The following CYTH3 variants were observed in gnomAD, a reference collection of about 807,000 sequenced individuals.
CYTH3 encodes cytohesin-3.
Under a neutral mutation model 55.1 loss-of-function variants are expected in CYTH3, and 23 were observed. The ratio of observed to expected loss-of-function variants is 0.42; its 90% CI spans 0.30 to 0.59. The LOEUF (loss-of-function observed/expected upper bound fraction) is 0.59, where lower values mean the gene tolerates loss of function less well. CYTH3 is among the 20% of genes least tolerant of loss of function. The pLI, the probability that CYTH3 is intolerant of heterozygous loss-of-function variation, is 0.20. For missense variants in CYTH3, 413 were observed against 524.8 expected (o/e 0.79, Z 2.08); for synonymous variants, 249 against 194.9 (o/e 1.28, Z -2.31).
intron 1 of CYTH3, among the ~76,000 whole-genome samples, chr7:6,270,286 GTGTC>G (rs1362572558): frequency 6.6e-6 from 1 of 152,132 alleles, no homozygotes; most frequent in Non-Finnish European, 1.5e-5. Flanking sequence ...ATATTTTTAA[GTGTC>G]TGTCACAAAG....
At chr7:6,215,757 A>G (rs1358009354) in intron 1 of CYTH3, among the ~76,000 whole-genome samples, 2 of 152,228 alleles carry the variant, frequency 1.3e-5, no homozygotes, top group Non-Finnish European at 2.9e-5. Flanking sequence ...GCCAAGACAC[A>G]TGATACACAT....
At chr7:6,206,983 A>G (rs773052819) in intron 1 of CYTH3, among the ~76,000 whole-genome samples, 1 of 151,856 alleles carries the variant, frequency 6.6e-6, no homozygotes, top group Non-Finnish European at 1.5e-5. Flanking sequence ...TAAGTAAACC[A>G]TTATTTTTAT....
At chr7:6,198,690 G>C (rs190875191) in intron 1 of CYTH3, among the ~76,000 whole-genome samples, 1 of 151,302 alleles carries the variant, frequency 6.6e-6, no homozygotes, top group Non-Finnish European at 1.5e-5. Flanking sequence ...AATGGATAAA[G>C]TAATATATGG....
At chr7:6,205,937 G>C (rs922950673) in intron 1 of CYTH3, among the ~76,000 whole-genome samples, 15 of 85,478 alleles carry the variant, frequency 1.8e-4, no homozygotes, top group African/African-American at 5.7e-4. Context: ...GTTGAAAAAT[G>C]ATAAACTAAG....
At chr7:6,177,210 G>C (rs767933883) in intron 5 of CYTH3, among the ~76,000 whole-genome samples, 2 of 152,158 alleles carry the variant, frequency 1.3e-5, no homozygotes, top group Admixed American at 6.6e-5. Flanking sequence ...TTCCACTTTC[G>C]ATCAAATATT....
chr7:6,177,736 G>T, intron 5 of CYTH3, 87 bp downstream of exon 5: 1 of 1,043,936 alleles, frequency 9.6e-7, no homozygotes, highest in Non-Finnish European at 1.5e-6. Context: ...TTTAGGCTGT[G>T]ATGGCCCCGA....
At chr7:6,181,862 T>C (rs1783511742) in intron 4 of CYTH3, among the ~76,000 whole-genome samples, 2 of 152,196 alleles carry the variant, frequency 1.3e-5, no homozygotes, top group South Asian at 4.1e-4. Context: ...CTTCTCCATA[T>C]GCTCAAGTGA....
intron 1 of CYTH3, among the ~76,000 whole-genome samples, chr7:6,259,950 C>T (rs1013881739): frequency 1.4e-5 from 2 of 145,566 alleles, no homozygotes; most frequent in African/African-American, 2.6e-5. Context: ...CCTGCCTCAG[C>T]CTCCTAAGTA....
chr7:6,197,288 A>T (rs1268340869), intron 1 of CYTH3, among the ~76,000 whole-genome samples: 1 of 152,232 alleles, frequency 6.6e-6, no homozygotes, highest in Non-Finnish European at 1.5e-5. Context: ...GGACAAAGAC[A>T]TGGTGGCTGT....
intron 1 of CYTH3, among the ~76,000 whole-genome samples, chr7:6,228,661 C>G (rs1275330908): frequency 1.3e-5 from 2 of 152,218 alleles, no homozygotes; most frequent in Admixed American, 1.3e-4. Flanking sequence ...TTCTGGAAAT[C>G]CGGGCTGCCT....
chr7:6,187,926 C>A (rs1209641195), intron 2 of CYTH3, among the ~76,000 whole-genome samples: 1 of 152,178 alleles, frequency 6.6e-6, no homozygotes, highest in Non-Finnish European at 1.5e-5. Flanking sequence ...ATTCTTTGCT[C>A]ACTTTTCATC....
intron 1 of CYTH3, among the ~76,000 whole-genome samples, chr7:6,232,506 T>A (rs1779412014): frequency 6.6e-6 from 1 of 152,206 alleles, no homozygotes; most frequent in Non-Finnish European, 1.5e-5. Context: ...CAGGTCCTGG[T>A]TCTCCCTGCA....
At chr7:6,186,922 C>T (rs1783669398) in intron 4 of CYTH3, 128 bp downstream of exon 4, 2 of 912,926 alleles carry the variant, frequency 2.2e-6, no homozygotes, top group Non-Finnish European at 3.5e-6. Context: ...TAAAAATGTG[C>T]CTTCAACTCC....
chr7:6,180,364 G>C (rs1216433329), intron 4 of CYTH3, among the ~76,000 whole-genome samples: 1 of 152,212 alleles, frequency 6.6e-6, no homozygotes, highest in Non-Finnish European at 1.5e-5. Flanking sequence ...ACAAGCAGAG[G>C]AGGAGGACAC....
chr7:6,171,685 T>A lies in CYTH3; in HGVS notation c.450-371A>T, dbSNP rs1203406476. The A allele has an allele frequency of 3.9e-6, 1 of 258,512 alleles. No individual in the cohort carries two copies. The highest frequency in any genetic ancestry group is 2.2e-5 in the African/African-American group (1 of 45,626). 16.0% of individuals were successfully genotyped at this position (258,512 alleles called of 1,614,324 possible). On this transcript the variant is annotated intron_variant, in intron 6 of 12. Coordinates refer to ENST00000350796, the MANE Select transcript of CYTH3 (RefSeq NM_004227.4). The surrounding 1 kb of genome is among the most constrained non-coding windows in gnomAD (Gnocchi z 6.7). Reference sequence around the variant, plus strand: ...CCTGTCCCGAGCTGCCACCAGCCGGTCCTCCTTTCAGAACTCCCACACATA... The same window carrying A: ...CCTGTCCCGAGCTGCCACCAGCCGGACCTCCTTTCAGAACTCCCACACATA...
intron 1 of CYTH3, among the ~76,000 whole-genome samples, chr7:6,252,903 T>A (rs1260590076): frequency 1.3e-5 from 2 of 152,178 alleles, no homozygotes; most frequent in Admixed American, 6.5e-5. Flanking sequence ...GATAACTACC[T>A]CCGGATGGGT....
At chr7:6,191,579 G>C (rs145057921) in intron 1 of CYTH3, among the ~76,000 whole-genome samples, 1 of 150,252 alleles carries the variant, frequency 6.7e-6, no homozygotes, top group Admixed American at 6.7e-5. Flanking sequence ...ATAATTTCAG[G>C]GTAGGGAAGG....
At chr7:6,229,788 G>C (rs1482581356) in intron 1 of CYTH3, among the ~76,000 whole-genome samples, 1 of 150,322 alleles carries the variant, frequency 6.7e-6, no homozygotes, top group Non-Finnish European at 1.5e-5. Flanking sequence ...CTGCACTCCA[G>C]CCTGGGCAAC....
chr7:6,202,203 G>A (rs58718256), intron 1 of CYTH3, among the ~76,000 whole-genome samples: 2,722 of 152,288 alleles, frequency 0.018, 94 homozygotes, highest in African/African-American at 0.063. Context: ...AGACCACCAT[G>A]CCCTGGGCCA....
Sources: gnomAD v4.1 joint callset for allele counts (sites outside exome capture counted in the v4.1 genomes callset) on GRCh38, gnomAD v4.1.1 for gene constraint, Gnocchi (gnomAD v3.1) non-coding constraint, MANE v1.5 for transcripts, NCBI Gene and HGNC (gene_info 2026-07-23, HGNC 2026-07-21) for gene names.